Variants in ZDHHC11 observed in about 807,000 individuals in gnomAD.
ZDHHC11 encodes the protein palmitoyltransferase ZDHHC11.
Under a neutral mutation model 51.3 loss-of-function variants are expected in ZDHHC11, and 44 were observed. That is an observed-to-expected ratio of 0.86 (90% confidence interval 0.67 to 1.10). The LOEUF is 1.10. ZDHHC11 is among the 50% of genes least tolerant of loss of function. The probability of loss-of-function intolerance (pLI) is 0.00; values close to 1 mark genes in which losing one functional copy is unlikely to be tolerated. For synonymous variants in ZDHHC11, 163 were observed against 222.0 expected (o/e 0.73, Z 2.36); for missense variants, 400 against 537.7 (o/e 0.74, Z 2.53).
At chr5:851,256 G>A (rs969310994), upstream of ZDHHC11, among the ~76,000 whole-genome samples, 35 of 152,160 alleles carry the variant, frequency 2.3e-4, no homozygotes, top group Non-Finnish European at 3.1e-4. Flanking sequence ...GTCCAGCCAC[G>A]CGGGGCTGGG....
intron 11 of ZDHHC11, among the ~76,000 whole-genome samples, chr5:803,033 G>C (rs1254527823): frequency 7.0e-6 from 1 of 143,544 alleles, no homozygotes; most frequent in Non-Finnish European, 1.5e-5. Flanking sequence ...AAAAAAAAAA[G>C]AAAAAGAAAG....
At chr5:824,173 C>A (rs1741959845) in intron 8 of ZDHHC11, 3 of 437,634 alleles carry the variant, frequency 6.9e-6, no homozygotes, top group Middle Eastern at 3.3e-4. Context: ...AAGGACCAGC[C>A]TGCGGCCTGG....
At chr5:821,932 G>A (rs1320998006) in intron 8 of ZDHHC11, 37 bp from the exon 9 acceptor site, 2 of 1,564,368 alleles carry the variant, frequency 1.3e-6, no homozygotes, top group Non-Finnish European at 1.7e-6. Context: ...AGAATGAATT[G>A]ACATTGAACT....
At chr5:822,035 G>A in intron 8 of ZDHHC11, 140 bp from the exon 9 acceptor site, 2 of 691,500 alleles carry the variant, frequency 2.9e-6, no homozygotes, top group East Asian at 5.4e-5. Flanking sequence ...CATGGAATAG[G>A]ATCTCAGTGG....
chr5:838,301 A>G (rs929270775), intron 5 of ZDHHC11, among the ~76,000 whole-genome samples: 1 of 151,974 alleles, frequency 6.6e-6, no homozygotes, highest in African/African-American at 2.4e-5. Context: ...ACGTTAATAA[A>G]ATGGGCTCTG....
chr5:801,284 G>C (rs1738382841), intron 11 of ZDHHC11, 120 bp from the exon 12 acceptor site: 2 of 1,238,342 alleles, frequency 1.6e-6, no homozygotes, highest in Non-Finnish European at 2.3e-6. Flanking sequence ...TTGTGACGTG[G>C]GCAATCACTT....
chr5:840,382 G>A (rs751254800), intron 5 of ZDHHC11, 113 bp downstream of exon 5: 16 of 1,381,484 alleles, frequency 1.2e-5, no homozygotes, highest in Non-Finnish European at 1.5e-5. Flanking sequence ...CAAAGACTCT[G>A]GCCCCAGGCG....
upstream of ZDHHC11, among the ~76,000 whole-genome samples, chr5:860,308 G>C (rs10064734): frequency 6.6e-6 from 1 of 152,126 alleles, no homozygotes; most frequent in Non-Finnish European, 1.5e-5. The surrounding 1 kb of genome is among the most constrained non-coding windows in gnomAD (Gnocchi z 4.2). Context: ...CAGGACAAAC[G>C]CCCCGTCTTG....
chr5:859,703 T>C (rs1748690056), upstream of ZDHHC11, among the ~76,000 whole-genome samples: 1 of 152,174 alleles, frequency 6.6e-6, no homozygotes, highest in Non-Finnish European at 1.5e-5. Context: ...GTCACTGGCT[T>C]AACTCGGAGC....
In ZDHHC11 at chr5:850,587, C is replaced by G; in HGVS notation, c.16G>C (p.Gly6Arg). 6.2e-7 allele frequency: 1 copy of G among 1,613,318 alleles called. No individual in the cohort carries two copies. Among genetic ancestry groups the G allele is most frequent in the East Asian group, 2.2e-5 (1 of 44,864 alleles). ...TCTGGGGTGACGGAACACTGGCTCC[C>G]GGAGCGGGTGTCCATCTGCAGGACA... MDTRS[G>R]SQCSVTPEAI... The change falls in exon 1 of 13, where the codon GGG (glycine) becomes CGG (arginine). Residue 6 changes from glycine (G) to arginine (R), a missense_variant. Coordinates refer to ENST00000283441, the MANE Select transcript of ZDHHC11 (RefSeq NM_024786.3).
intron 6 of ZDHHC11, among the ~76,000 whole-genome samples, chr5:836,537 T>C (rs1421693640): frequency 2.7e-5 from 4 of 150,008 alleles, no homozygotes; most frequent in African/African-American, 9.8e-5. Flanking sequence ...CCTTCTCTGT[T>C]TTCTGAAAGA....
upstream of ZDHHC11, among the ~76,000 whole-genome samples, chr5:854,809 C>T (rs112913540): frequency 6.7e-6 from 1 of 149,040 alleles, no homozygotes; most frequent in Non-Finnish European, 1.5e-5. Flanking sequence ...GGGGACAGAC[C>T]CCACAGAGGA....
Position 837,466 on chromosome 5 carries a change from T to C in ZDHHC11, c.799A>G (p.Thr267Ala). The C allele has an allele frequency of 6.2e-7, 1 of 1,609,408 alleles. No individual in the cohort carries two copies. Among genetic ancestry groups the C allele is most frequent in the Non-Finnish European group, 8.5e-7 (1 of 1,176,234 alleles). ...TTATTAATGAGATACTCAAAGGTGG[T>C]CATCTTCTTGGCCTCTGGAAAGGGA... ...FHIYLKAKKM[T>A]TFEYLINNRK... The change falls in exon 6 of 13, where the codon ACC becomes GCC. Residue 267 changes from threonine to alanine, a missense_variant. By Grantham distance (58) the Thr-to-Ala change is moderately conservative. Around this residue, in one of 5 missense-constraint regions of ZDHHC11, gnomAD observed 231 missense variants for 227.4 expected, o/e 1.02. Coordinates refer to ENST00000283441, the MANE Select transcript of ZDHHC11 (RefSeq NM_024786.3).
upstream of ZDHHC11, among the ~76,000 whole-genome samples, chr5:851,866 G>A (rs1429338284): frequency 6.6e-6 from 1 of 152,182 alleles, no homozygotes; most frequent in East Asian, 1.9e-4. Context: ...GACCAGCCTG[G>A]GCAACACGGC....
rs550610288 is a variant in ZDHHC11 at position 803,976 on chromosome 5, A to T, written c.1182-2812T>A. On this transcript the variant is annotated intron_variant, in intron 11 of 12. Transcript: ENST00000283441. ...ACCAGAAAAAAAAAAAAGATTAAGG[A>T]AGATGAACAGAGCTTGAAAGGTTTG... is the stretch of plus-strand genomic sequence containing the variant. 6.0e-4 allele frequency among the ~76,000 whole-genome samples: 91 copies of T among 150,592 alleles called. 1 individual carries two copies. The highest frequency in any genetic ancestry group is 2.1e-3 in the African/African-American group (87 of 41,084).
chr5:842,559 A>G, intron 4 of ZDHHC11: 1 of 986,122 alleles, frequency 1.0e-6, no homozygotes, highest in Non-Finnish European at 1.2e-6. Flanking sequence ...CTGTCTCGCC[A>G]CCCGGGCTGT....
intron 9 of ZDHHC11, chr5:821,453 T>C (rs1219889856): frequency 6.0e-6 from 1 of 166,486 alleles, no homozygotes; most frequent in African/African-American, 2.4e-5. Flanking sequence ...GCTGAAGGGG[T>C]GTGAACTACC....
At chr5:797,685 C>A (rs1230216699) in intron 12 of ZDHHC11, among the ~76,000 whole-genome samples, 1 of 151,532 alleles carries the variant, frequency 6.6e-6, no homozygotes, top group East Asian at 1.9e-4. Context: ...ATATTTCTGA[C>A]TTTGTGTTTT....
At chr5:858,955 G>T (rs986427848) in exon 1 of ZDHHC11, among the ~76,000 whole-genome samples, 2 of 151,988 alleles carry the variant, frequency 1.3e-5, no homozygotes, top group African/African-American at 4.8e-5. Flanking sequence ...CGTCGCTCTC[G>T]CTAACTCCAG....
Sources: gnomAD v4.1 joint callset for allele counts (sites outside exome capture counted in the v4.1 genomes callset) on GRCh38, gnomAD v4.1.1 for gene constraint, gnomAD v4.1.1 regional missense constraint, Gnocchi (gnomAD v3.1) non-coding constraint, MANE v1.5 for transcripts, NCBI Gene and HGNC (gene_info 2026-07-23, HGNC 2026-07-21) for gene names.